SIL1: variants seen among roughly 807,000 people sequenced by gnomAD.
SIL1 encodes SIL1 nucleotide exchange factor, also known as nucleotide exchange factor SIL1.
In SIL1, 40 loss-of-function variants were observed where a neutral mutation model predicts 49.1. The ratio of observed to expected loss-of-function variants is 0.81; its 90% CI spans 0.63 to 1.06. The LOEUF is 1.06. Ranked by LOEUF, SIL1 falls within the 50% of genes least tolerant of loss-of-function variation. The pLI is 0.00. For missense variants in SIL1, 500 were observed against 572.6 expected, an observed-to-expected ratio of 0.87 and a Z score of 1.29; for synonymous variants, 253 against 250.8, an observed-to-expected ratio of 1.01 and a Z score of -0.08.
intron 5 of SIL1, among the ~76,000 whole-genome samples, chr5:139,036,622 C>T (rs1768916961): frequency 6.6e-6 from 1 of 152,160 alleles, no homozygotes; most frequent in Non-Finnish European, 1.5e-5. Flanking sequence ...CACATGTTCT[C>T]TCTTATAAGT....
chr5:139,081,741 C>T (rs1345603171), intron 3 of SIL1, among the ~76,000 whole-genome samples: 2 of 151,848 alleles, frequency 1.3e-5, no homozygotes, highest in Non-Finnish European at 2.9e-5. Flanking sequence ...TGGCCAGGCA[C>T]GGTGGCACAA....
intron 7 of SIL1, among the ~76,000 whole-genome samples, chr5:138,969,713 C>T (rs748743289): frequency 6.6e-6 from 1 of 152,182 alleles, no homozygotes; most frequent in Admixed American, 6.5e-5. Flanking sequence ...TTGCATGAAC[C>T]GCAGTGGCAT....
intron 3 of SIL1, among the ~76,000 whole-genome samples, chr5:139,081,320 T>C (rs186755952): frequency 1.7e-4 from 26 of 152,312 alleles, no homozygotes; most frequent in Admixed American, 1.6e-3. Context: ...AGTGGCACAA[T>C]TATGGCTCAC....
intron 5 of SIL1, among the ~76,000 whole-genome samples, chr5:139,039,256 G>T (rs901145751): frequency 1.3e-5 from 2 of 152,126 alleles, no homozygotes; most frequent in African/African-American, 4.8e-5. Flanking sequence ...CGTCCACTTG[G>T]CTCCTGGCGA....
intron 3 of SIL1, among the ~76,000 whole-genome samples, chr5:139,052,947 G>A (rs1769326143): frequency 6.6e-6 from 1 of 152,170 alleles, no homozygotes. Flanking sequence ...ATATTCCTAG[G>A]ATGGGAAAAT....
intron 6 of SIL1, among the ~76,000 whole-genome samples, chr5:139,025,419 T>C (rs949215525): frequency 6.6e-6 from 1 of 152,202 alleles, no homozygotes; most frequent in African/African-American, 2.4e-5. Flanking sequence ...ATGGGATTAA[T>C]AGTGGTACCT....
intron 2 of SIL1, among the ~76,000 whole-genome samples, chr5:139,122,844 C>T (rs1272602111): frequency 1.3e-5 from 2 of 152,166 alleles, no homozygotes; most frequent in African/African-American, 4.8e-5. Context: ...AATCTAACCA[C>T]ACCTGGGAGA....
intron 7 of SIL1, among the ~76,000 whole-genome samples, chr5:138,967,037 C>G (rs1446505641): frequency 2.0e-5 from 3 of 152,150 alleles, no homozygotes; most frequent in Non-Finnish European, 4.4e-5. Context: ...AATCACTGTA[C>G]AGGTGTTTAC....
chr5:139,196,222 T>C (rs933967833), intron 1 of SIL1, among the ~76,000 whole-genome samples: 1 of 152,126 alleles, frequency 6.6e-6, no homozygotes, highest in Admixed American at 6.5e-5. Flanking sequence ...CAGTATGGTT[T>C]AATATATTAA....
chr5:138,991,449 A>G (rs1275773478), intron 7 of SIL1, among the ~76,000 whole-genome samples: 2 of 152,234 alleles, frequency 1.3e-5, no homozygotes, highest in Non-Finnish European at 2.9e-5. Context: ...CTTCTGTTCC[A>G]CAGCCACATG....
At chr5:139,116,903 G>A (rs975292352) in intron 3 of SIL1, among the ~76,000 whole-genome samples, 2 of 152,190 alleles carry the variant, frequency 1.3e-5, no homozygotes, top group African/African-American at 2.4e-5. Flanking sequence ...TGCGAAGTAG[G>A]TATTATATTT....
At chr5:138,953,034 C>G (rs1327422703) in intron 7 of SIL1, among the ~76,000 whole-genome samples, 3 of 152,204 alleles carry the variant, frequency 2.0e-5, no homozygotes. Context: ...CTGAGGCCAA[C>G]AACAAGTGAA....
chr5:139,037,848 T>C (rs936260615), intron 5 of SIL1, among the ~76,000 whole-genome samples: 6 of 152,218 alleles, frequency 3.9e-5, no homozygotes, highest in African/African-American at 1.2e-4. Flanking sequence ...GTCTCAGTCT[T>C]CTCAGGCTGC....
chr5:138,960,983 G>A (rs1378431093), intron 7 of SIL1, among the ~76,000 whole-genome samples: 1 of 152,142 alleles, frequency 6.6e-6, no homozygotes, highest in Non-Finnish European at 1.5e-5. Flanking sequence ...GGTTACATGG[G>A]TGTCTCCACT....
At chr5:138,949,798 C>CAAAAAAAA (rs5871689) in intron 9 of SIL1, among the ~76,000 whole-genome samples, 7 of 82,970 alleles carry the variant, frequency 8.4e-5, no homozygotes, top group South Asian at 5.0e-4. Context: ...GACCCTGTCT[C>CAAAAAAAA]AAAAAAAAAA....
chr5:139,153,290 G>GA (rs1751343990), intron 1 of SIL1, among the ~76,000 whole-genome samples: 1 of 152,030 alleles, frequency 6.6e-6, no homozygotes, highest in African/African-American at 2.4e-5. Flanking sequence ...CCGCTTTGAG[G>GA]CCTTCCCCAA....
chr5:138,970,830 A>T (rs1391775900), intron 7 of SIL1, among the ~76,000 whole-genome samples: 1 of 151,778 alleles, frequency 6.6e-6, no homozygotes, highest in Non-Finnish European at 1.5e-5. Context: ...TGAACCTGGG[A>T]GGGGGAGGTT....
At chr5:139,172,788 G>A (rs1751800805) in intron 1 of SIL1, among the ~76,000 whole-genome samples, 1 of 152,164 alleles carries the variant, frequency 6.6e-6, no homozygotes, top group Admixed American at 6.5e-5. Context: ...GCCAGCTGTT[G>A]CGGCCACAGT....
At chr5:139,057,809 C>A (rs1303148787) in intron 3 of SIL1, among the ~76,000 whole-genome samples, 1 of 152,118 alleles carries the variant, frequency 6.6e-6, no homozygotes, top group East Asian at 1.9e-4. Flanking sequence ...ACTGGGAAGT[C>A]CAAGATCACA....
Sources: allele counts gnomAD v4.1 joint callset (sites outside exome capture counted in the v4.1 genomes callset), GRCh38; gene constraint gnomAD v4.1.1; transcripts MANE v1.5; gene names NCBI Gene and HGNC (gene_info 2026-07-23, HGNC 2026-07-21).